The following SFXN4 variants were observed in gnomAD, a reference collection of about 807,000 sequenced individuals.
The protein encoded by SFXN4 is sideroflexin 4.
Under a neutral mutation model 54.6 loss-of-function variants are expected in SFXN4, and 48 were observed. The observed-to-expected ratio is 0.88, with a 90% confidence interval of 0.70 to 1.12. The LOEUF is 1.12. Ranked by LOEUF, SFXN4 falls within the 50% of genes most tolerant of loss-of-function variation. SFXN4 has a pLI of 0.00. For missense variants in SFXN4, 383 were observed against 409.2 expected (o/e 0.94, Z 0.55); for synonymous variants, 130 against 145.5 (o/e 0.89, Z 0.77).
At position 119,164,061 on chromosome 10, in the gene SFXN4, A is replaced by AG. The variant is rs1847663901; in HGVS notation, c.177+69_177+70insC. On this transcript the variant is annotated intron_variant, in intron 2 of 13. Transcript: ENST00000355697. ...GTCTCAAAAAAAAAAAAAAAAAAAA[A>AG]AAAGGGACACACAGACTTCAAGTTT... The AG allele has an allele frequency of 9.0e-6, 8 of 892,686 alleles. No homozygotes were observed. In the South Asian group the frequency reaches 1.2e-4, roughly 13 times the overall value. The allele number at this position is 892,686 out of a possible 1,614,324, so 55.3% of individuals were successfully genotyped here.
Position 119,141,033 on chromosome 10 carries a change from G to T in SFXN4, c.*209C>A. On this transcript the variant is annotated 3_prime_UTR_variant, in exon 14 of 14. Coordinates refer to ENST00000355697, the MANE Select transcript of SFXN4 (RefSeq NM_213649.2). ...CTCAGCAACCCCAGGGGTGTCAGAC[G>T]GGGCACCCTCCCACTGTCTTCTCCA... The T allele has an allele frequency of 2.2e-6, 1 of 464,366 alleles. No individual in the cohort carries two copies. The highest frequency in any genetic ancestry group is 3.9e-6 in the Non-Finnish European group (1 of 258,716). The allele number at this position is 464,366 out of a possible 1,614,324, so 28.8% of individuals were successfully genotyped here. A position where few individuals can be genotyped will look rare whatever the true frequency, so the allele number is the denominator to read the frequency against.
rs943432161 is a variant in SFXN4, at chr10:119,155,312, A to C, written c.617-135T>G. The C allele has an allele frequency of 2.6e-4, 170 of 642,044 alleles. 4 individuals are homozygous for C. The highest frequency in any genetic ancestry group is 3.7e-5 in the South Asian group (2 of 54,408). The allele number at this position is 642,044 out of a possible 1,614,324, so 39.8% of individuals were successfully genotyped here. A position where few individuals can be genotyped will look rare whatever the true frequency, so the allele number is the denominator to read the frequency against. On this transcript the variant is annotated intron_variant, in intron 10 of 13. Coordinates refer to ENST00000355697, the MANE Select transcript of SFXN4 (RefSeq NM_213649.2). ...GGCCTTTCTTGACCCTCAGGTGGAC[A>C]CCTGCCATAGGCTGGGCCAACCAAG...
At chr10:119,164,447 A>T (rs1847685501) in intron 1 of SFXN4, among the ~76,000 whole-genome samples, 1 of 152,176 alleles carries the variant, frequency 6.6e-6, no homozygotes, top group Non-Finnish European at 1.5e-5. Flanking sequence ...CTGTGCCCTT[A>T]ACCTCTCAGT....
chr10:119,142,387 A>G (rs1426707837), intron 13 of SFXN4, among the ~76,000 whole-genome samples: 1 of 152,076 alleles, frequency 6.6e-6, no homozygotes, highest in Non-Finnish European at 1.5e-5. Context: ...CAAGTTCCAA[A>G]TGATAAAGAC....
At chr10:119,148,295 G>A (rs1846905194) in intron 11 of SFXN4, among the ~76,000 whole-genome samples, 1 of 152,106 alleles carries the variant, frequency 6.6e-6, no homozygotes, top group Admixed American at 6.6e-5. Context: ...GAGGCGGAGG[G>A]GACGCCTTCC....
chr10:119,154,922 G>A (rs989614999), intron 11 of SFXN4, 140 bp downstream of exon 11: 3 of 621,244 alleles, frequency 4.8e-6, no homozygotes, highest in African/African-American at 3.7e-5. Context: ...GGCAAAATGA[G>A]AAATTTCTCT....
At position 119,154,288 on chromosome 10, in the gene SFXN4, G is replaced by C. The variant is rs149516111; in HGVS notation, c.732+774C>G. 5.4e-3 allele frequency among the ~76,000 whole-genome samples: 825 copies of C among 152,256 alleles called. 9 individuals carry two copies. Among genetic ancestry groups the C allele is most frequent in the African/African-American group, 0.019 (769 of 41,546 alleles). On this transcript the variant is annotated intron_variant, in intron 11 of 13. Coordinates refer to ENST00000355697, the MANE Select transcript of SFXN4 (RefSeq NM_213649.2). Reference sequence around the variant, plus strand: ...TGAGGTTTCCCAAAGAAGAAATTCTGTCTCAAGGCTGTAGCAGCAGCTCCT... The same window carrying C: ...TGAGGTTTCCCAAAGAAGAAATTCTCTCTCAAGGCTGTAGCAGCAGCTCCT...
intron 11 of SFXN4, among the ~76,000 whole-genome samples, chr10:119,151,546 T>C (rs904898841): frequency 2.6e-5 from 4 of 151,824 alleles, no homozygotes; most frequent in African/African-American, 7.2e-5. Context: ...GACAGAGTCT[T>C]TCTCTGTCAC....
chr10:119,152,038 C>T (rs538655253), intron 11 of SFXN4, among the ~76,000 whole-genome samples: 1 of 151,738 alleles, frequency 6.6e-6, no homozygotes, highest in Admixed American at 6.6e-5. Context: ...AGGCTGGTCT[C>T]GCACTCATGG....
intron 3 of SFXN4, among the ~76,000 whole-genome samples, chr10:119,161,913 C>T (rs142771382): frequency 1.7e-4 from 26 of 152,316 alleles, no homozygotes; most frequent in African/African-American, 6.3e-4. Flanking sequence ...CCAGAAAGCC[C>T]CACATACTGC....
At chr10:119,151,780 G>A (rs2133591967) in intron 11 of SFXN4, among the ~76,000 whole-genome samples, 1 of 151,912 alleles carries the variant, frequency 6.6e-6, no homozygotes. Context: ...ACCCCTCAGA[G>A]TGCTGGGATT....
Position 119,156,658 on chromosome 10 carries a change from C to G in SFXN4, c.616+20G>C, listed in dbSNP as rs1847290063. ...AAAGACACCCCACCCAGACTGCAGC[C>G]TCCAGCCCTTCCTGCTCACCGAGGA... is the stretch of plus-strand genomic sequence containing the variant. On this transcript the variant is annotated intron_variant, in intron 10 of 13. Coordinates refer to ENST00000355697, the MANE Select transcript of SFXN4 (RefSeq NM_213649.2). 1 of 1,594,178 alleles carries G rather than the reference C, an allele frequency of 6.3e-7. No homozygotes were observed. The highest frequency in any genetic ancestry group is 8.6e-7 in the Non-Finnish European group (1 of 1,165,850).
intron 6 of SFXN4, among the ~76,000 whole-genome samples, chr10:119,158,472 CG>C: frequency 6.6e-6 from 1 of 151,212 alleles, no homozygotes; most frequent in Admixed American, 6.6e-5. Context: ...AGAAATTAGC[CG>C]GGTGTGGTGG....
chr10:119,163,774 T>C (rs1043169555), intron 2 of SFXN4, among the ~76,000 whole-genome samples: 1 of 152,024 alleles, frequency 6.6e-6, no homozygotes, highest in Non-Finnish European at 1.5e-5. Flanking sequence ...ATAATATATG[T>C]AGATTCTGTT....
chr10:119,163,550 T>C (rs1246407301), intron 2 of SFXN4, among the ~76,000 whole-genome samples: 5 of 152,004 alleles, frequency 3.3e-5, no homozygotes, highest in Admixed American at 2.6e-4. Flanking sequence ...TACAGGTGTC[T>C]GCCACCACAC....
rs781621528 is a variant in SFXN4, at chr10:119,165,622, G to T, written c.26C>A (p.Thr9Lys). MSLEQEEE[T>K]QPGRLLGRRD... Reference sequence around the variant, plus strand: ...GCGTCCTAGGAGCCGCCCAGGTTGCGTTTCCTCCTCCTGTTCCAGGGACAT... The same window carrying T: ...GCGTCCTAGGAGCCGCCCAGGTTGCTTTTCCTCCTCCTGTTCCAGGGACAT... Residue 9 changes from threonine to lysine, a missense_variant, in exon 1 of 14, where the codon ACG (threonine) becomes AAG (lysine). Coordinates refer to ENST00000355697, the MANE Select transcript of SFXN4 (RefSeq NM_213649.2). The T allele has an allele frequency of 1.3e-6, 2 of 1,592,050 alleles. No individual in the cohort carries two copies. Among genetic ancestry groups the T allele is most frequent in the Non-Finnish European group, 1.7e-6 (2 of 1,171,382 alleles).
chr10:119,146,460 T>TGTGTGTGTGTGCGCGC (rs141608372), intron 12 of SFXN4, 107 bp from the exon 13 acceptor site: 1 of 549,006 alleles, frequency 1.8e-6, no homozygotes, highest in African/African-American at 2.2e-5. Flanking sequence ...TGTGTGTGTG[T>TGTGTGTGTGTGCGCGC]GCACGTGTGT....
intron 13 of SFXN4, among the ~76,000 whole-genome samples, chr10:119,145,946 C>T (rs895912848): frequency 1.3e-5 from 2 of 152,168 alleles, no homozygotes; most frequent in Non-Finnish European, 2.9e-5. Flanking sequence ...CCTCAGTCTC[C>T]TGCGCAGCTG....
intron 11 of SFXN4, 52 bp from the exon 12 acceptor site, chr10:119,147,912 T>C: frequency 6.8e-7 from 1 of 1,463,988 alleles, no homozygotes; most frequent in African/African-American, 1.4e-5. Context: ...GGCTCACGCC[T>C]GTAATCCCTG....
Sources: gnomAD v4.1 joint callset for allele counts (sites outside exome capture counted in the v4.1 genomes callset) on GRCh38, gnomAD v4.1.1 for gene constraint, MANE v1.5 for transcripts, NCBI Gene and HGNC (gene_info 2026-07-23, HGNC 2026-07-21) for gene names.